Variants in CCDC171 observed in about 807,000 individuals in gnomAD.
The protein encoded by CCDC171 is coiled-coil domain containing 171.
Under a neutral mutation model 168.2 loss-of-function variants are expected in CCDC171, and 177 were observed. That is an observed-to-expected ratio of 1.05 (90% CI 0.93 to 1.19). CCDC171 has a LOEUF of 1.19. CCDC171 is among the 50% of genes most tolerant of loss of function. The pLI is 0.00. For missense variants in CCDC171, 1,991 were observed against 1,539.0 expected, an observed-to-expected ratio of 1.29 and a Z score of -4.91; for synonymous variants, 687 against 540.8, an observed-to-expected ratio of 1.27 and a Z score of -3.75.
chr9:15,751,914 C>G (rs1033490100), intron 18 of CCDC171, among the ~76,000 whole-genome samples: 1 of 152,112 alleles, frequency 6.6e-6, no homozygotes, highest in Non-Finnish European at 1.5e-5. Flanking sequence ...CAAATGGAAT[C>G]TAATTAAACT....
At chr9:15,876,087 T>C (rs1038385016) in intron 24 of CCDC171, 4 of 152,032 alleles carry the variant, frequency 2.6e-5, no homozygotes, top group African/African-American at 9.7e-5. Flanking sequence ...CAAAACTAGA[T>C]GTTGGTGATT....
intron 21 of CCDC171, among the ~76,000 whole-genome samples, chr9:15,797,524 A>G (rs2058619139): frequency 6.6e-6 from 1 of 152,110 alleles, no homozygotes; most frequent in African/African-American, 2.4e-5. Flanking sequence ...CCAACATTTA[A>G]TATTTTAAAC....
intron 23 of CCDC171, among the ~76,000 whole-genome samples, chr9:15,871,592 C>T (rs1404695176): frequency 6.6e-6 from 1 of 151,852 alleles, no homozygotes; most frequent in Admixed American, 6.6e-5. Flanking sequence ...GCTGTACTTC[C>T]TAAAGAAATT....
chr9:15,786,964 GGA>G (rs2057995933), intron 21 of CCDC171, among the ~76,000 whole-genome samples: 1 of 152,046 alleles, frequency 6.6e-6, no homozygotes, highest in African/African-American at 2.4e-5. Flanking sequence ...TTCTCTTTTT[GGA>G]CTCAGACCAC....
At chr9:16,008,451 T>G (rs1589320481) in intron 3 of CCDC171, among the ~76,000 whole-genome samples, 2 of 152,302 alleles carry the variant, frequency 1.3e-5, no homozygotes, top group East Asian at 3.9e-4. Context: ...CCCTTTAATC[T>G]CATCTAATAT....
At chr9:15,735,386 T>G (rs895096747) in intron 16 of CCDC171, among the ~76,000 whole-genome samples, 3 of 152,226 alleles carry the variant, frequency 2.0e-5, no homozygotes, top group Non-Finnish European at 4.4e-5. Context: ...TTCTTTTCTA[T>G]TTGAAAAAGA....
At chr9:16,097,179 C>G in the CCDC171 span, among the ~76,000 whole-genome samples, 104 of 152,220 alleles carry the variant, frequency 6.8e-4, no homozygotes, top group African/African-American at 2.3e-3. Flanking sequence ...CCCTGGAACC[C>G]CAGGTGTCAA....
rs563722301 is a variant in CCDC171, at chr9:15,623,464, T to TGCGCGCGCGC, written c.822+54_822+63dup. 4.2e-5 allele frequency: 32 copies of TGCGCGCGCGC among 767,440 alleles called. 1 individual carries two copies. The highest frequency in any genetic ancestry group is 3.2e-4 in the South Asian group (18 of 56,410). 47.5% of individuals were successfully genotyped at this position (767,440 alleles called of 1,614,324 possible). A position where few individuals can be genotyped will look rare whatever the true frequency, so the allele number is the denominator to read the frequency against. Reference sequence around the variant, plus strand: ...ATATATGCGTACAAACTTTCACATATGCGCGCGCGCGCACACACACACACA... The same window carrying TGCGCGCGCGC: ...ATATATGCGTACAAACTTTCACATATGCGCGCGCGCGCGCGCGCGCGCACACACACACACA... On this transcript the variant is annotated intron_variant, in intron 7 of 25. Coordinates refer to ENST00000380701, the MANE Select transcript of CCDC171 (RefSeq NM_173550.4).
intron 18 of CCDC171, among the ~76,000 whole-genome samples, chr9:15,775,232 A>G (rs1356309099): frequency 6.6e-6 from 1 of 152,238 alleles, no homozygotes; most frequent in East Asian, 1.9e-4. Context: ...CTTAGAGCAT[A>G]TGACTTTCAC....
intron 17 of CCDC171, among the ~76,000 whole-genome samples, chr9:15,745,228 ATAAC>A (rs1426426673): frequency 6.6e-6 from 1 of 152,242 alleles, no homozygotes; most frequent in Admixed American, 6.5e-5. Context: ...TTTTGAATGC[ATAAC>A]TATTTTGAAG....
chr9:15,793,551 G>GTTTTTT lies in CCDC171; in HGVS notation c.3267+8881_3267+8886dup, dbSNP rs3082839. Among the ~76,000 whole-genome samples, 61 of 77,058 alleles carry GTTTTTT rather than the reference G, an allele frequency of 7.9e-4. 12 individuals are homozygous for GTTTTTT. Among genetic ancestry groups the GTTTTTT allele is most frequent in the African/African-American group, 2.1e-3 (32 of 15,542 alleles). 50.6% of individuals were successfully genotyped at this position (77,058 alleles called of 152,430 possible). ...AGCACCACATCGCACTTATTCCAAG[G>GTTTTTT]TTTTTTTTTTTTTTTTTTTTTTTTT... is the stretch of plus-strand genomic sequence containing the variant. On this transcript the variant is annotated intron_variant, in intron 21 of 25. Coordinates refer to ENST00000380701, the MANE Select transcript of CCDC171 (RefSeq NM_173550.4).
chr9:16,076,829 T>A, the CCDC171 span, among the ~76,000 whole-genome samples: 7 of 152,294 alleles, frequency 4.6e-5, no homozygotes, highest in East Asian at 1.4e-3. Context: ...AGGCTCCATA[T>A]CGTGGGCCTG....
At chr9:16,072,011 A>G in the CCDC171 span, among the ~76,000 whole-genome samples, 3 of 152,180 alleles carry the variant, frequency 2.0e-5, no homozygotes, top group Non-Finnish European at 4.4e-5. Context: ...AAGCCATAGG[A>G]GCATCTTGCT....
chr9:15,653,430 C>T (rs1042266298), intron 7 of CCDC171, among the ~76,000 whole-genome samples: 1 of 152,174 alleles, frequency 6.6e-6, no homozygotes, highest in Non-Finnish European at 1.5e-5. Context: ...GTGTGAGCCA[C>T]TGTGCCTGGC....
chr9:15,819,166 C>T lies in CCDC171; in HGVS notation c.3268-27536C>T, dbSNP rs1288741647. On this transcript the variant is annotated intron_variant, in intron 21 of 25. Coordinates refer to ENST00000380701, the MANE Select transcript of CCDC171 (RefSeq NM_173550.4). ...GCTGAGAGATTTTGTCATCACCAGG[C>T]CTGCCCTGCAAGAGCTCCTGAAGGA... Among the ~76,000 whole-genome samples, 3 of 117,582 alleles carry T rather than the reference C, an allele frequency of 2.6e-5. 1 individual carries two copies. The highest frequency in any genetic ancestry group is 6.4e-5 in the African/African-American group (2 of 31,220). 77.1% of individuals were successfully genotyped at this position (117,582 alleles called of 152,430 possible).
intron 25 of CCDC171, among the ~76,000 whole-genome samples, chr9:15,940,990 C>G (rs1827651108): frequency 6.6e-6 from 1 of 151,926 alleles, no homozygotes; most frequent in South Asian, 2.1e-4. Flanking sequence ...ACTAGATAAT[C>G]TCTAAGGTGC....
chr9:15,882,447 T>G (rs1027026436), intron 24 of CCDC171, among the ~76,000 whole-genome samples: 3 of 152,216 alleles, frequency 2.0e-5, no homozygotes, highest in Non-Finnish European at 4.4e-5. Flanking sequence ...TAACTTGATG[T>G]AATCCCATTT....
chr9:15,631,650 A>C (rs564137140), intron 7 of CCDC171, among the ~76,000 whole-genome samples: 251 of 152,288 alleles, frequency 1.6e-3, no homozygotes, highest in Admixed American at 2.7e-3. Flanking sequence ...AAAAGAGGGA[A>C]TCCTCCCTAA....
At chr9:15,926,914 C>T (rs1477595018) in intron 25 of CCDC171, among the ~76,000 whole-genome samples, 1 of 151,392 alleles carries the variant, frequency 6.6e-6, no homozygotes, top group Non-Finnish European at 1.5e-5. Flanking sequence ...GTGCTTTTAC[C>T]ATATAATAAG....
Sources: allele counts gnomAD v4.1 joint callset (sites outside exome capture counted in the v4.1 genomes callset), GRCh38; gene constraint gnomAD v4.1.1; transcripts MANE v1.5; gene names NCBI Gene and HGNC (gene_info 2026-07-23, HGNC 2026-07-21).